The following KCNU1 variants were observed in gnomAD, a reference collection of about 807,000 sequenced individuals.
The protein encoded by KCNU1 is potassium channel subfamily U member 1.
Under a neutral mutation model 126.8 loss-of-function variants are expected in KCNU1, and 93 were observed. The observed-to-expected ratio is 0.73, with a 90% CI of 0.62 to 0.87. The LOEUF (loss-of-function observed/expected upper bound fraction) is 0.87, where lower values mean the gene tolerates loss of function less well. Ranked by LOEUF, KCNU1 falls within the 40% of genes least tolerant of loss-of-function variation. KCNU1 has a pLI of 0.00. For missense variants in KCNU1, 1,330 were observed against 1,367.1 expected (o/e 0.97, Z 0.43); for synonymous variants, 523 against 494.2 (o/e 1.06, Z -0.77).
chr8:36,910,196 C>T (rs1360167715), intron 21 of KCNU1, among the ~76,000 whole-genome samples: 1 of 152,106 alleles, frequency 6.6e-6, no homozygotes, highest in Non-Finnish European at 1.5e-5. Context: ...ATAATGCTGG[C>T]AATATATTTG....
At chr8:36,847,509 C>A (rs1805194032) in intron 18 of KCNU1, among the ~76,000 whole-genome samples, 4 of 152,254 alleles carry the variant, frequency 2.6e-5, no homozygotes, top group Admixed American at 2.6e-4. Context: ...CCTCCCTCTC[C>A]CCTTCTCATC....
At chr8:36,888,172 A>G (rs1426788529) in intron 19 of KCNU1, among the ~76,000 whole-genome samples, 9 of 152,208 alleles carry the variant, frequency 5.9e-5, no homozygotes, top group Non-Finnish European at 1.3e-4. Context: ...CAGAATTTGA[A>G]ATAAGTATGA....
At chr8:36,842,758 C>A (rs941845077) in intron 16 of KCNU1, among the ~76,000 whole-genome samples, 2 of 152,182 alleles carry the variant, frequency 1.3e-5, no homozygotes, top group Non-Finnish European at 1.5e-5. Context: ...GCAACCTCCG[C>A]CTCCCAGGTT....
At chr8:36,884,773 C>A (rs556880342) in intron 19 of KCNU1, among the ~76,000 whole-genome samples, 8 of 151,150 alleles carry the variant, frequency 5.3e-5, no homozygotes, top group Admixed American at 2.0e-4. Flanking sequence ...AAATAAAAAC[C>A]AGGAAAAAAA....
intron 22 of KCNU1, among the ~76,000 whole-genome samples, chr8:36,918,258 A>G (rs924385766): frequency 1.3e-5 from 2 of 152,134 alleles, no homozygotes; most frequent in Non-Finnish European, 2.9e-5. Flanking sequence ...AAGAATAGAC[A>G]TAGCCAGGCA....
intron 12 of KCNU1, 34 bp downstream of exon 12, chr8:36,834,902 A>T: frequency 2.2e-6 from 3 of 1,378,804 alleles, no homozygotes; most frequent in Non-Finnish European, 3.1e-6. Flanking sequence ...TATAACGATT[A>T]TTTTTTTCTA....
At chr8:36,892,739 G>A (rs956092277) in intron 19 of KCNU1, among the ~76,000 whole-genome samples, 1 of 152,020 alleles carries the variant, frequency 6.6e-6, no homozygotes, top group African/African-American at 2.4e-5. Context: ...CTGTGTGCAT[G>A]TTGAGGTAAT....
intron 24 of KCNU1, chr8:36,929,186 A>C: frequency 3.8e-6 from 2 of 521,268 alleles, no homozygotes; most frequent in South Asian, 2.5e-5. Flanking sequence ...GTTTGAGATC[A>C]GCATGGCCAA....
chr8:36,815,630 A>T lies in KCNU1; in HGVS notation c.938A>T (p.Glu313Val). ...GCGAACTATATACCTGAAATGGTGG[A>T]ACTGTTTGCTAACAAGAGGAAATAC... ...LFANYIPEMV[E>V]LFANKRKYTS... The change falls in exon 9 of 27, where the codon GAA (glutamate) becomes GTA (valine). Residue 313 changes from glutamate to valine, a missense_variant. Glu to Val is a moderately radical substitution (Grantham distance 121, BLOSUM62 -2). Transcript: ENST00000399881. 6.3e-7 allele frequency: 1 copy of T among 1,596,486 alleles called. No homozygotes were observed. The highest frequency in any genetic ancestry group is 8.5e-7 in the Non-Finnish European group (1 of 1,170,656).
At chr8:36,806,509 A>T (rs1204661329) in intron 5 of KCNU1, 129 bp downstream of exon 5, 2 of 601,328 alleles carry the variant, frequency 3.3e-6, no homozygotes, top group Non-Finnish European at 5.9e-6. Flanking sequence ...TCACCTTAAT[A>T]GTATGGTTTT....
rs1803403274 is a variant in KCNU1 at position 36,803,941 on chromosome 8, T to C, written c.316-86T>C. 3 of 834,688 alleles carry C rather than the reference T, an allele frequency of 3.6e-6. No homozygotes were observed. In the Admixed American group the frequency reaches 6.0e-5, roughly 17 times the overall value. 51.7% of individuals were successfully genotyped at this position (834,688 alleles called of 1,614,324 possible). On this transcript the variant is annotated intron_variant, in intron 2 of 26. Transcript: ENST00000399881. ...ATAAATGGCTACACGTACACAGGCATGGTAAAAAGAGAAAACACACTTTTG... is the reference window on the plus strand; with the variant it reads ...ATAAATGGCTACACGTACACAGGCACGGTAAAAAGAGAAAACACACTTTTG...
chr8:36,835,195 T>G (rs1045303009), intron 12 of KCNU1, among the ~76,000 whole-genome samples: 2 of 152,162 alleles, frequency 1.3e-5, no homozygotes. Flanking sequence ...TAATATCCTC[T>G]CCTCAAAAAT....
intron 8 of KCNU1, 102 bp downstream of exon 8, chr8:36,814,479 C>T (rs1327855611): frequency 1.2e-6 from 1 of 843,676 alleles, no homozygotes; most frequent in African/African-American, 1.7e-5. Context: ...GTGAATGTTG[C>T]ATTACTTGGG....
At chr8:36,824,431 A>C (rs1248097876) in intron 10 of KCNU1, among the ~76,000 whole-genome samples, 4 of 152,162 alleles carry the variant, frequency 2.6e-5, no homozygotes, top group Non-Finnish European at 5.9e-5. Context: ...TTAATGCCTT[A>C]TTGTACCTAA....
At chr8:36,851,387 ATCTCTCTC>A (rs35502970) in intron 18 of KCNU1, among the ~76,000 whole-genome samples, 5 of 119,982 alleles carry the variant, frequency 4.2e-5, no homozygotes, top group African/African-American at 1.4e-4. Flanking sequence ...CTCTCTCTCT[ATCTCTCTC>A]TCTCTCTCTC....
At chr8:36,789,973 A>G (rs1802847031) in intron 2 of KCNU1, among the ~76,000 whole-genome samples, 1 of 152,210 alleles carries the variant, frequency 6.6e-6, no homozygotes. Flanking sequence ...TTCATAGGGA[A>G]GAGCTACAAG....
intron 21 of KCNU1, among the ~76,000 whole-genome samples, chr8:36,909,804 A>G (rs1807794424): frequency 6.6e-6 from 1 of 152,164 alleles, no homozygotes; most frequent in African/African-American, 2.4e-5. Context: ...TTAAATCCAG[A>G]TGTTGTGGCT....
intron 7 of KCNU1, among the ~76,000 whole-genome samples, chr8:36,811,026 A>C (rs935282574): frequency 6.6e-5 from 10 of 152,198 alleles, no homozygotes; most frequent in African/African-American, 2.4e-4. Flanking sequence ...TACAGACCTG[A>C]AAACCAAATT....
intron 19 of KCNU1, among the ~76,000 whole-genome samples, chr8:36,881,149 T>C (rs1806462202): frequency 6.6e-6 from 1 of 152,180 alleles, no homozygotes; most frequent in Non-Finnish European, 1.5e-5. Context: ...CCACTAAACC[T>C]TTCGGGAGCC....
Sources: gnomAD v4.1 joint callset for allele counts (sites outside exome capture counted in the v4.1 genomes callset) on GRCh38, gnomAD v4.1.1 for gene constraint, MANE v1.5 for transcripts, NCBI Gene and HGNC (gene_info 2026-07-23, HGNC 2026-07-21) for gene names.